The following ATXN8OS variants were observed in gnomAD, a reference collection of about 807,000 sequenced individuals.
The protein encoded by ATXN8OS is ATXN8 opposite strand (non-protein coding).
At chr13:70,167,452 T>C (rs1265805799) in intron 4 of ATXN8OS, among the ~76,000 whole-genome samples, 3 of 151,766 alleles carry the variant, frequency 2.0e-5, no homozygotes. Context: ...TAGGTGGGAA[T>C]TGAACAATGA....
At chr13:70,132,863 T>C in intron 3 of ATXN8OS, among the ~76,000 whole-genome samples, 1 of 152,100 alleles carries the variant, frequency 6.6e-6, no homozygotes, top group South Asian at 2.1e-4. Context: ...AGTCTATTTT[T>C]TTTTTTGCAT....
chr13:70,154,973 T>C (rs1888918205), intron 4 of ATXN8OS, among the ~76,000 whole-genome samples: 1 of 152,188 alleles, frequency 6.6e-6, no homozygotes, highest in African/African-American at 2.4e-5. Flanking sequence ...GTATCCCTGC[T>C]TTCACCCCAC....
At chr13:70,113,394 T>G (rs1888228816) in intron 1 of ATXN8OS, among the ~76,000 whole-genome samples, 1 of 152,292 alleles carries the variant, frequency 6.6e-6, no homozygotes, top group South Asian at 2.1e-4. Flanking sequence ...ATATCCTATT[T>G]TGTATAACAC....
At chr13:70,136,125 G>C (rs1489354206) in intron 3 of ATXN8OS, among the ~76,000 whole-genome samples, 1 of 152,148 alleles carries the variant, frequency 6.6e-6, no homozygotes, top group Non-Finnish European at 1.5e-5. Context: ...CATTTCTTTT[G>C]CGGGGGCAAG....
At chr13:70,165,698 C>A (rs755216725) in intron 4 of ATXN8OS, among the ~76,000 whole-genome samples, 1 of 151,942 alleles carries the variant, frequency 6.6e-6, no homozygotes, top group African/African-American at 2.4e-5. Context: ...ACTGATAGAG[C>A]TCAGGGAAGC....
At chr13:70,138,046 C>A (rs1396037841) in intron 3 of ATXN8OS, among the ~76,000 whole-genome samples, 1 of 152,208 alleles carries the variant, frequency 6.6e-6, no homozygotes, top group Non-Finnish European at 1.5e-5. Flanking sequence ...ACGAGAACAA[C>A]ATGGCGGAAA....
intron 4 of ATXN8OS, among the ~76,000 whole-genome samples, chr13:70,167,494 A>C (rs1252785994): frequency 1.3e-5 from 2 of 151,742 alleles, no homozygotes; most frequent in Non-Finnish European, 1.5e-5. Context: ...GGAACATCAC[A>C]CTCTGGGGAC....
intron 2 of ATXN8OS, among the ~76,000 whole-genome samples, chr13:70,124,431 A>G (rs1293568198): frequency 6.6e-6 from 1 of 152,098 alleles, no homozygotes; most frequent in East Asian, 1.9e-4. Flanking sequence ...CTATGGTTAG[A>G]GAAAGCCTCT....
intron 3 of ATXN8OS, among the ~76,000 whole-genome samples, chr13:70,144,653 A>G (rs1181612965): frequency 6.6e-6 from 1 of 152,046 alleles, no homozygotes; most frequent in East Asian, 1.9e-4. Context: ...TTGTCTTTTT[A>G]TTCTCTGGCA....
chr13:70,134,416 C>T (rs1216336090), intron 3 of ATXN8OS, among the ~76,000 whole-genome samples: 1 of 152,144 alleles, frequency 6.6e-6, no homozygotes, highest in Non-Finnish European at 1.5e-5. Context: ...CTAAATGCTG[C>T]ACAGGCAGGT....
intron 1 of ATXN8OS, among the ~76,000 whole-genome samples, chr13:70,114,267 A>C (rs962791041): frequency 2.8e-4 from 43 of 152,262 alleles, no homozygotes; most frequent in African/African-American, 1.0e-3. Flanking sequence ...TTTGCCTTGA[A>C]GACTGTCTCC....
chr13:70,158,617 G>A (rs1035987976), intron 4 of ATXN8OS, among the ~76,000 whole-genome samples: 1 of 152,162 alleles, frequency 6.6e-6, no homozygotes, highest in African/African-American at 2.4e-5. Flanking sequence ...TAAATATTTT[G>A]GGTATTGCAT....
chr13:70,149,073 G>A lies in ATXN8OS; in HGVS notation n.573+1645G>A, dbSNP rs143538994. 5.3e-5 allele frequency among the ~76,000 whole-genome samples: 8 copies of A among 152,204 alleles called. No individual in the cohort carries two copies. The East Asian group carries it at 1.5e-3, about 29-fold the overall frequency. On this transcript the variant is annotated intron_variant and non_coding_transcript_variant, in intron 4 of 4. Coordinates refer to ENST00000678624, the Ensembl canonical transcript of ATXN8OS. ...TCACACTAGTTTTTGGTCTGAATTA[G>A]AGATAGTCTATTTAATGTTGATGCC... is the stretch of plus-strand genomic sequence containing the variant.
chr13:70,169,196 G>A (rs1566623418), intron 4 of ATXN8OS, among the ~76,000 whole-genome samples: 1 of 152,140 alleles, frequency 6.6e-6, no homozygotes, highest in Non-Finnish European at 1.5e-5. Flanking sequence ...CATTAAAAAT[G>A]TTTTAGAAAG....
chr13:70,125,280 C>A lies in ATXN8OS; in HGVS notation n.399-4504C>A, dbSNP rs535233104. ...ACTTTATTTTCTTTTTATGGACAAT[C>A]TTCTTAAATTTCTACTTCTATCCAC... On this transcript the variant is annotated intron_variant and non_coding_transcript_variant, in intron 2 of 4. Transcript: ENST00000678624. Among the ~76,000 whole-genome samples, 7 of 152,198 alleles carry A rather than the reference C, an allele frequency of 4.6e-5. No homozygotes were observed. The East Asian group carries it at 1.2e-3, about 25-fold the overall frequency.
chr13:70,110,398 T>A (rs1888182025), intron 1 of ATXN8OS, among the ~76,000 whole-genome samples: 1 of 152,064 alleles, frequency 6.6e-6, no homozygotes, highest in Admixed American at 6.6e-5. Flanking sequence ...AAGAATTAAA[T>A]TACGCATGAA....
At chr13:70,152,172 C>A (rs914929118) in intron 4 of ATXN8OS, among the ~76,000 whole-genome samples, 2 of 152,022 alleles carry the variant, frequency 1.3e-5, no homozygotes, top group South Asian at 2.1e-4. Flanking sequence ...ACAATGAATT[C>A]ACATGGGATG....
chr13:70,162,087 G>T (rs1889016528), intron 4 of ATXN8OS, among the ~76,000 whole-genome samples: 2 of 151,948 alleles, frequency 1.3e-5, no homozygotes, highest in African/African-American at 4.8e-5. Context: ...GAATAAAGGA[G>T]AAAAAGGAAG....
At chr13:70,142,864 G>T (rs1888736250) in intron 3 of ATXN8OS, among the ~76,000 whole-genome samples, 1 of 151,986 alleles carries the variant, frequency 6.6e-6, no homozygotes, top group African/African-American at 2.4e-5. Context: ...ACCTGAGGTC[G>T]GGATTTTGAG....
Sources: allele counts gnomAD v4.1 joint callset (sites outside exome capture counted in the v4.1 genomes callset), GRCh38; gene constraint gnomAD v4.1.1; transcripts MANE v1.5; gene names NCBI Gene and HGNC (gene_info 2026-07-23, HGNC 2026-07-21).